EPHA6: variants seen among roughly 807,000 people sequenced by gnomAD.
EPHA6 encodes the protein ephrin type-A receptor 6.
A neutral mutation model predicts 112.0 loss-of-function variants in EPHA6; 50 were observed. That is an observed-to-expected ratio of 0.45 (90% CI 0.36 to 0.56). EPHA6 has a LOEUF of 0.56. Ranked by LOEUF, EPHA6 falls within the 20% of genes least tolerant of loss-of-function variation. EPHA6 has a pLI of 0.00. For missense variants in EPHA6, 1,280 were observed against 1,417.4 expected, an observed-to-expected ratio of 0.90 and a Z score of 1.56; for synonymous variants, 529 against 490.7, an observed-to-expected ratio of 1.08 and a Z score of -1.03.
At chr3:97,700,937 G>C (rs2033346372) in intron 14 of EPHA6, among the ~76,000 whole-genome samples, 1 of 152,124 alleles carries the variant, frequency 6.6e-6, no homozygotes, top group Non-Finnish European at 1.5e-5. Flanking sequence ...ACATTAGGAA[G>C]GAATAGAATA....
chr3:97,354,482 C>A (rs2083965572), intron 5 of EPHA6, among the ~76,000 whole-genome samples: 1 of 151,916 alleles, frequency 6.6e-6, no homozygotes. Context: ...AAGAATGCAT[C>A]AGAGTCTCTC....
At chr3:97,021,490 C>T (rs1179045045) in intron 3 of EPHA6, among the ~76,000 whole-genome samples, 1 of 152,212 alleles carries the variant, frequency 6.6e-6, no homozygotes, top group Non-Finnish European at 1.5e-5. Flanking sequence ...TCTTAAGTAT[C>T]TCCTCTTCTG....
intron 3 of EPHA6, among the ~76,000 whole-genome samples, chr3:97,187,969 T>C (rs1034207628): frequency 4.6e-5 from 7 of 152,136 alleles, no homozygotes; most frequent in Non-Finnish European, 2.9e-5. Flanking sequence ...GACACATATC[T>C]GATTGGCAAA....
intron 14 of EPHA6, among the ~76,000 whole-genome samples, chr3:97,638,355 G>C (rs140304260): frequency 6.6e-5 from 10 of 152,120 alleles, no homozygotes; most frequent in African/African-American, 1.9e-4. Flanking sequence ...GTCATGACTG[G>C]ATGTTATAAC....
intron 5 of EPHA6, among the ~76,000 whole-genome samples, chr3:97,327,552 G>A (rs1488057736): frequency 6.6e-6 from 1 of 151,722 alleles, no homozygotes; most frequent in Non-Finnish European, 1.5e-5. Context: ...ATGTTTGTGT[G>A]TCAAGATACT....
At chr3:97,149,070 AAAG>A (rs1270097767) in intron 3 of EPHA6, among the ~76,000 whole-genome samples, 2 of 152,122 alleles carry the variant, frequency 1.3e-5, no homozygotes, top group South Asian at 2.1e-4. Context: ...TACAGAAATA[AAAG>A]AAGAAGGCTT....
intron 3 of EPHA6, among the ~76,000 whole-genome samples, chr3:97,109,445 C>A (rs1370013832): frequency 6.6e-6 from 1 of 152,104 alleles, no homozygotes; most frequent in Admixed American, 6.6e-5. Context: ...TTTCTACTTG[C>A]ATGGGAAGGA....
rs565572259 is a variant in EPHA6, at chr3:97,438,840, T to G, written c.1732-9728T>G. 3.0e-4 allele frequency among the ~76,000 whole-genome samples: 46 copies of G among 152,284 alleles called. 1 individual carries two copies. The highest frequency in any genetic ancestry group is 8.2e-4 in the African/African-American group (34 of 41,560). Reference sequence around the variant, plus strand: ...ATTTTGGTTTATCTTACAACAAGCTTGACCCTTTGATATAGGTATAACCTT... The same window carrying G: ...ATTTTGGTTTATCTTACAACAAGCTGGACCCTTTGATATAGGTATAACCTT... On this transcript the variant is annotated intron_variant, in intron 6 of 17. Coordinates refer to ENST00000389672, the MANE Select transcript of EPHA6 (RefSeq NM_001080448.3).
chr3:97,421,895 T>C (rs1380206742), intron 6 of EPHA6, among the ~76,000 whole-genome samples: 1 of 151,898 alleles, frequency 6.6e-6, no homozygotes, highest in Non-Finnish European at 1.5e-5. Flanking sequence ...TAATAGGTAC[T>C]GGGTAATGTA....
Position 97,593,442 on chromosome 3 carries a change from T to A in EPHA6, c.2512+705T>A, listed in dbSNP as rs114498140. Among the ~76,000 whole-genome samples the A allele has an allele frequency of 4.9e-3, 744 of 152,300 alleles. 8 individuals are homozygous for A. Among genetic ancestry groups the A allele is most frequent in the African/African-American group, 0.017 (718 of 41,560 alleles). On this transcript the variant is annotated intron_variant, in intron 12 of 17. Coordinates refer to ENST00000389672, the MANE Select transcript of EPHA6 (RefSeq NM_001080448.3). Reference sequence around the variant, plus strand: ...TTCATTGTACCTAAAGGATGCAATCTTACTTTACATTTTATATGTGTCTTA... The same window carrying A: ...TTCATTGTACCTAAAGGATGCAATCATACTTTACATTTTATATGTGTCTTA...
intron 3 of EPHA6, among the ~76,000 whole-genome samples, chr3:97,169,815 A>G (rs564113332): frequency 1.5e-4 from 23 of 152,242 alleles, no homozygotes; most frequent in South Asian, 4.1e-4. Context: ...TTTTAACTTT[A>G]TATGTTTTTA....
At chr3:97,154,939 G>C (rs1576584865) in intron 3 of EPHA6, among the ~76,000 whole-genome samples, 1 of 152,030 alleles carries the variant, frequency 6.6e-6, no homozygotes, top group Non-Finnish European at 1.5e-5. Flanking sequence ...AAATTAGATG[G>C]TTATGTAAAG....
At chr3:97,487,703 A>G (rs912199577) in intron 10 of EPHA6, among the ~76,000 whole-genome samples, 6 of 152,072 alleles carry the variant, frequency 3.9e-5, no homozygotes, top group African/African-American at 1.4e-4. Context: ...TCACTGTTCT[A>G]TTTAATACTG....
chr3:97,454,426 A>G (rs1057200176), intron 7 of EPHA6, among the ~76,000 whole-genome samples: 1 of 151,856 alleles, frequency 6.6e-6, no homozygotes, highest in Non-Finnish European at 1.5e-5. Context: ...GTCAAAAAGA[A>G]AAAGAAATAC....
intron 5 of EPHA6, among the ~76,000 whole-genome samples, chr3:97,293,840 T>A (rs1021926270): frequency 6.6e-6 from 1 of 152,190 alleles, no homozygotes; most frequent in African/African-American, 2.4e-5. Flanking sequence ...TGGCTGTCCA[T>A]GCCGAGGAGT....
At chr3:96,820,946 T>C (rs2033208786) in intron 1 of EPHA6, among the ~76,000 whole-genome samples, 1 of 151,946 alleles carries the variant, frequency 6.6e-6, no homozygotes, top group East Asian at 1.9e-4. Context: ...ATCTCTATTA[T>C]GATCAAATTA....
chr3:97,316,566 C>T (rs765259346), intron 5 of EPHA6, among the ~76,000 whole-genome samples: 9 of 151,924 alleles, frequency 5.9e-5, no homozygotes, highest in Non-Finnish European at 1.0e-4. Flanking sequence ...TGCTATAAAA[C>T]GTGTTTGATG....
chr3:97,555,519 T>C (rs929965312), intron 11 of EPHA6, among the ~76,000 whole-genome samples: 5 of 152,196 alleles, frequency 3.3e-5, no homozygotes, highest in African/African-American at 9.7e-5. Flanking sequence ...ACTTCCACAA[T>C]GGTTGAACTA....
chr3:97,404,895 A>C (rs2087237201), intron 5 of EPHA6, among the ~76,000 whole-genome samples: 1 of 152,134 alleles, frequency 6.6e-6, no homozygotes, highest in Non-Finnish European at 1.5e-5. Context: ...AATAATACCA[A>C]AGATGATGAG....
Sources: gnomAD v4.1 joint callset for allele counts (sites outside exome capture counted in the v4.1 genomes callset) on GRCh38, gnomAD v4.1.1 for gene constraint, MANE v1.5 for transcripts, NCBI Gene and HGNC (gene_info 2026-07-23, HGNC 2026-07-21) for gene names.